PCSK5: variants seen among roughly 807,000 people sequenced by gnomAD.
PCSK5 encodes the protein prohormone convertase 5.
In PCSK5, 129 loss-of-function variants were observed where a neutral mutation model predicts 233.2. That is an observed-to-expected ratio of 0.55 (90% confidence interval 0.48 to 0.64). The LOEUF is 0.64. Among genes scored for constraint, PCSK5 ranks in the 30% least tolerant of loss-of-function variants. PCSK5 has a pLI of 0.00. For synonymous variants in PCSK5, 825 were observed against 879.2 expected (o/e 0.94, Z 1.09); for missense variants, 2,076 against 2,430.1 (o/e 0.85, Z 3.06).
chr9:76,048,545 C>T (rs1334299260), intron 5 of PCSK5, among the ~76,000 whole-genome samples: 1 of 152,178 alleles, frequency 6.6e-6, no homozygotes, highest in Non-Finnish European at 1.5e-5. Context: ...TCCTGTTAAG[C>T]TCTAGGACTT....
intron 5 of PCSK5, among the ~76,000 whole-genome samples, chr9:76,030,692 T>G (rs971185037): frequency 6.6e-6 from 1 of 152,222 alleles, no homozygotes; most frequent in Non-Finnish European, 1.5e-5. Context: ...GTCTGTATTA[T>G]AATACAGACT....
intron 24 of PCSK5, among the ~76,000 whole-genome samples, chr9:76,282,807 C>T (rs57747725): frequency 1.1e-3 from 171 of 152,200 alleles, no homozygotes; most frequent in African/African-American, 4.0e-3. Context: ...TGTCTGTTCT[C>T]GTCTTCATGT....
intron 5 of PCSK5, among the ~76,000 whole-genome samples, chr9:76,029,244 T>A (rs890856147): frequency 6.6e-6 from 1 of 152,186 alleles, no homozygotes; most frequent in Non-Finnish European, 1.5e-5. Flanking sequence ...GCAGACAGTG[T>A]ACTATAAGGT....
At chr9:75,945,034 G>A (rs768755320) in intron 2 of PCSK5, among the ~76,000 whole-genome samples, 80 of 151,050 alleles carry the variant, frequency 5.3e-4, no homozygotes, top group Middle Eastern at 6.9e-3. Context: ...GCTTGAACTC[G>A]GGAGGTGGAG....
At chr9:76,230,003 C>T (rs190415477) in intron 21 of PCSK5, among the ~76,000 whole-genome samples, 5 of 152,286 alleles carry the variant, frequency 3.3e-5, no homozygotes, top group Admixed American at 6.5e-5. Flanking sequence ...CCCAGAGATG[C>T]CTTGAGTTGG....
rs147130807 is a variant in PCSK5, at chr9:76,251,496, G to A, written c.3142+10812G>A. Among the ~76,000 whole-genome samples, 584 of 150,468 alleles carry A rather than the reference G, an allele frequency of 3.9e-3. 12 individuals are homozygous for A. The highest frequency in any genetic ancestry group is 0.013 in the African/African-American group (545 of 40,768). On this transcript the variant is annotated intron_variant, in intron 24 of 37. Transcript: ENST00000674117. The stretch of plus-strand genomic sequence containing the variant: ...GAGAATTGCTTAAACCTGGAGGGAC[G>A]GAGCTTGCAGTGAGCCGAGATTGTG...
intron 5 of PCSK5, among the ~76,000 whole-genome samples, chr9:76,034,581 A>G (rs112989536): frequency 1.3e-5 from 2 of 151,864 alleles, no homozygotes; most frequent in African/African-American, 4.8e-5. Context: ...CCCTTCCACC[A>G]TCTACACTTG....
At chr9:76,164,213 C>T (rs1822997842) in intron 12 of PCSK5, among the ~76,000 whole-genome samples, 1 of 152,142 alleles carries the variant, frequency 6.6e-6, no homozygotes, top group Non-Finnish European at 1.5e-5. Context: ...GTAAAAATTA[C>T]ACTTTTGCAG....
intron 2 of PCSK5, among the ~76,000 whole-genome samples, chr9:75,979,792 C>T (rs1412605160): frequency 6.6e-6 from 1 of 152,190 alleles, no homozygotes; most frequent in African/African-American, 2.4e-5. Context: ...GACCACCTTA[C>T]TTGAAATAAT....
intron 3 of PCSK5, among the ~76,000 whole-genome samples, chr9:75,986,481 TG>T (rs1452522200): frequency 6.6e-6 from 1 of 152,248 alleles, no homozygotes; most frequent in Non-Finnish European, 1.5e-5. Flanking sequence ...ACAGAAATTC[TG>T]TTTGAGAGCT....
intron 3 of PCSK5, among the ~76,000 whole-genome samples, chr9:76,020,660 C>G (rs1828145130): frequency 6.6e-6 from 1 of 152,190 alleles, no homozygotes; most frequent in African/African-American, 2.4e-5. Context: ...ATGGTAAAGT[C>G]AGATTCAACA....
Position 76,035,586 on chromosome 9 carries a change from T to C in PCSK5, c.632+8549T>C, listed in dbSNP as rs991031992. Reference sequence around the variant, plus strand: ...TATTATTGACATGAATAATTGATAGTTGCTTGAATTTAAATTTCTTATTTA... The same window carrying C: ...TATTATTGACATGAATAATTGATAGCTGCTTGAATTTAAATTTCTTATTTA... On this transcript the variant is annotated intron_variant, in intron 5 of 37. Coordinates refer to ENST00000674117, the MANE Select transcript of PCSK5 (RefSeq NM_001372043.1). Among the ~76,000 whole-genome samples the C allele has an allele frequency of 5.3e-5, 8 of 151,090 alleles. No homozygotes were observed. In the East Asian group the frequency reaches 1.4e-3, roughly 26 times the overall value.
intron 2 of PCSK5, among the ~76,000 whole-genome samples, chr9:75,949,540 T>G (rs1824744646): frequency 6.6e-6 from 1 of 152,060 alleles, no homozygotes; most frequent in Admixed American, 6.5e-5. Context: ...TATTATTTAT[T>G]TATTTTTTGA....
chr9:76,176,196 G>C (rs186456816), intron 14 of PCSK5, among the ~76,000 whole-genome samples: 3 of 152,296 alleles, frequency 2.0e-5, no homozygotes, highest in Non-Finnish European at 2.9e-5. Flanking sequence ...ATGATATACA[G>C]TGTCAATTGA....
chr9:76,152,540 G>A (rs1353760614), intron 10 of PCSK5, among the ~76,000 whole-genome samples: 2 of 152,104 alleles, frequency 1.3e-5, no homozygotes, highest in African/African-American at 4.8e-5. Context: ...TTAGCAGAAA[G>A]GTCCTCTTTC....
intron 10 of PCSK5, among the ~76,000 whole-genome samples, chr9:76,141,697 T>C (rs1442299794): frequency 1.3e-5 from 2 of 152,150 alleles, no homozygotes; most frequent in African/African-American, 4.8e-5. Context: ...TTGTCTTTTG[T>C]AGGCTTTCGT....
intron 9 of PCSK5, among the ~76,000 whole-genome samples, chr9:76,113,484 C>G (rs2131696838): frequency 6.6e-6 from 1 of 152,282 alleles, no homozygotes. Context: ...ATTATAATCT[C>G]TCTTACCTAC....
At chr9:75,910,874 G>A (rs1041873253) in intron 1 of PCSK5, among the ~76,000 whole-genome samples, 3 of 152,068 alleles carry the variant, frequency 2.0e-5, no homozygotes, top group East Asian at 1.9e-4. Flanking sequence ...TGTGGGTATC[G>A]GTTCACTCAC....
chr9:76,284,575 C>G (rs1397624616), intron 24 of PCSK5, among the ~76,000 whole-genome samples: 1 of 134,850 alleles, frequency 7.4e-6, no homozygotes, highest in Non-Finnish European at 1.5e-5. Context: ...TCTTCTTGCT[C>G]AGGCTGGAGT....
Sources: gnomAD v4.1 joint callset for allele counts (sites outside exome capture counted in the v4.1 genomes callset) on GRCh38, gnomAD v4.1.1 for gene constraint, MANE v1.5 for transcripts, NCBI Gene and HGNC (gene_info 2026-07-23, HGNC 2026-07-21) for gene names.